The following THEMIS variants were observed in gnomAD, a reference collection of about 807,000 sequenced individuals.
THEMIS encodes thymocyte selection associated.
Under a neutral mutation model 52.6 loss-of-function variants are expected in THEMIS, and 37 were observed. That is an observed-to-expected ratio of 0.70 (90% CI 0.54 to 0.93). The LOEUF (loss-of-function observed/expected upper bound fraction) is 0.93. THEMIS is among the 40% of genes least tolerant of loss of function. The pLI, the probability that THEMIS is intolerant of heterozygous loss-of-function variation, is 0.00. For missense variants in THEMIS, 808 were observed against 763.1 expected, an observed-to-expected ratio of 1.06 and a Z score of -0.69; for synonymous variants, 292 against 272.7, an observed-to-expected ratio of 1.07 and a Z score of -0.70.
intron 4 of THEMIS, among the ~76,000 whole-genome samples, chr6:127,804,772 T>C (rs1053505944): frequency 6.6e-6 from 1 of 152,170 alleles, no homozygotes; most frequent in African/African-American, 2.4e-5. Flanking sequence ...CATGACTTTG[T>C]GTTTTATCCT....
At chr6:127,864,562 T>C (rs1057261612) in intron 1 of THEMIS, among the ~76,000 whole-genome samples, 1 of 152,072 alleles carries the variant, frequency 6.6e-6, no homozygotes, top group Non-Finnish European at 1.5e-5. Context: ...GAAGACACCA[T>C]GTGCAGAAGT....
intron 4 of THEMIS, among the ~76,000 whole-genome samples, chr6:127,800,874 A>G (rs1777509227): frequency 6.6e-6 from 1 of 152,138 alleles, no homozygotes; most frequent in South Asian, 2.1e-4. Flanking sequence ...CTATTGTGGG[A>G]CCTATATTCC....
At position 127,813,729 on chromosome 6, in the gene THEMIS, C is replaced by G; in HGVS notation, c.912G>C (p.Gly304=). 1 of 1,613,882 alleles carries G rather than the reference C, an allele frequency of 6.2e-7. No individual in the cohort carries two copies. ...ACTTTTTGTGGATCACAATGGTTTTCCCAGGCTGTAAAATGCTTTGGGGCA... is the reference window on the plus strand; with the variant it reads ...ACTTTTTGTGGATCACAATGGTTTTGCCAGGCTGTAAAATGCTTTGGGGCA... The part of the protein sequence containing the change: ...NHLPQSILQP[G]KTIVIHKKYQ... The change falls in exon 4 of 6, where the codon GGG becomes GGC. Residue 304 remains glycine, a synonymous_variant. Transcript: ENST00000368248.
chr6:127,754,766 A>G (rs1775763977), intron 4 of THEMIS, among the ~76,000 whole-genome samples: 1 of 152,210 alleles, frequency 6.6e-6, no homozygotes. Flanking sequence ...CATTCTGGGT[A>G]TCAGGCTACA....
At chr6:127,757,655 C>T (rs911288862) in intron 4 of THEMIS, among the ~76,000 whole-genome samples, 1 of 151,896 alleles carries the variant, frequency 6.6e-6, no homozygotes, top group Non-Finnish European at 1.5e-5. Flanking sequence ...GCTAGATTTT[C>T]GTATTTTTTA....
downstream of THEMIS, among the ~76,000 whole-genome samples, chr6:127,705,578 G>A (rs145144234): frequency 2.5e-3 from 388 of 152,224 alleles, 1 homozygote; most frequent in Non-Finnish European, 4.2e-3. Flanking sequence ...AAGAATCTAT[G>A]CTTTCTCATA....
At chr6:127,837,454 T>A (rs543428107) in intron 2 of THEMIS, among the ~76,000 whole-genome samples, 24 of 152,096 alleles carry the variant, frequency 1.6e-4, no homozygotes, top group Non-Finnish European at 3.4e-4. Context: ...ATTTATTTGA[T>A]CCTCTGAAGA....
chr6:127,883,985 C>T (rs375419966), intron 1 of THEMIS, among the ~76,000 whole-genome samples: 29 of 152,198 alleles, frequency 1.9e-4, no homozygotes, highest in African/African-American at 6.3e-4. Flanking sequence ...GCACACTGCC[C>T]GGTCCATAGC....
chr6:127,810,441 G>T (rs1179590339), intron 4 of THEMIS, among the ~76,000 whole-genome samples: 2 of 152,116 alleles, frequency 1.3e-5, no homozygotes, highest in African/African-American at 4.8e-5. Flanking sequence ...TTTATTATGT[G>T]GGCAGAGCCC....
At chr6:127,732,529 C>A (rs1167062278) in intron 4 of THEMIS, among the ~76,000 whole-genome samples, 1 of 152,188 alleles carries the variant, frequency 6.6e-6, no homozygotes, top group African/African-American at 2.4e-5. Context: ...CCCAGCAGCT[C>A]CTTCATGCCT....
At chr6:127,774,578 A>G (rs1335297152) in intron 4 of THEMIS, among the ~76,000 whole-genome samples, 1 of 152,214 alleles carries the variant, frequency 6.6e-6, no homozygotes, top group Admixed American at 6.5e-5. Context: ...CTAATTGCTT[A>G]AAGCAAATCA....
At chr6:127,868,848 G>T (rs1364904567) in intron 1 of THEMIS, among the ~76,000 whole-genome samples, 1 of 152,092 alleles carries the variant, frequency 6.6e-6, no homozygotes, top group Non-Finnish European at 1.5e-5. Context: ...ATTTGCTTAT[G>T]TGTTGACTTT....
chr6:127,731,032 C>T (rs1306888726), intron 4 of THEMIS, among the ~76,000 whole-genome samples: 1 of 152,086 alleles, frequency 6.6e-6, no homozygotes, highest in Non-Finnish European at 1.5e-5. Flanking sequence ...CATGAGGGTC[C>T]CACTGTATTT....
At chr6:127,786,681 A>G (rs1045826242) in intron 4 of THEMIS, among the ~76,000 whole-genome samples, 1 of 152,242 alleles carries the variant, frequency 6.6e-6, no homozygotes, top group Admixed American at 6.5e-5. Flanking sequence ...ACCAACAGTT[A>G]GAAATGGCAG....
intron 4 of THEMIS, among the ~76,000 whole-genome samples, chr6:127,795,758 T>G (rs1312551403): frequency 6.6e-6 from 1 of 152,220 alleles, no homozygotes; most frequent in Non-Finnish European, 1.5e-5. Flanking sequence ...ATTAAGTTGG[T>G]GCAAAAGTAA....
At chr6:127,855,568 CA>C (rs1779591967) in intron 1 of THEMIS, among the ~76,000 whole-genome samples, 1 of 151,864 alleles carries the variant, frequency 6.6e-6, no homozygotes, top group Non-Finnish European at 1.5e-5. Flanking sequence ...ATAACAACTG[CA>C]AACAAGGTTG....
intron 4 of THEMIS, among the ~76,000 whole-genome samples, chr6:127,740,305 G>C (rs1202397320): frequency 6.6e-6 from 1 of 152,136 alleles, no homozygotes; most frequent in African/African-American, 2.4e-5. Flanking sequence ...ACTCAAGATA[G>C]AGAATGGAGA....
At chr6:127,880,875 A>G (rs1780464373) in intron 1 of THEMIS, among the ~76,000 whole-genome samples, 1 of 152,142 alleles carries the variant, frequency 6.6e-6, no homozygotes. Context: ...TCCATGTAAA[A>G]AGTTTTATTT....
At chr6:127,788,125 G>A (rs1476365851) in intron 4 of THEMIS, among the ~76,000 whole-genome samples, 3 of 152,126 alleles carry the variant, frequency 2.0e-5, no homozygotes, top group Non-Finnish European at 4.4e-5. Context: ...CTCAGGTGAG[G>A]GAGAGTCTTT....
Sources: gnomAD v4.1 joint callset for allele counts (sites outside exome capture counted in the v4.1 genomes callset) on GRCh38, gnomAD v4.1.1 for gene constraint, MANE v1.5 for transcripts, NCBI Gene and HGNC (gene_info 2026-07-23, HGNC 2026-07-21) for gene names.